Variants in PARD3 observed in about 807,000 individuals in gnomAD.
The protein encoded by PARD3 is par-3 family cell polarity regulator.
In PARD3, 75 loss-of-function variants were observed where a neutral mutation model predicts 155.4. The ratio of observed to expected loss-of-function variants is 0.48; its 90% CI spans 0.40 to 0.58. The LOEUF is 0.58. Ranked by LOEUF, PARD3 falls within the 20% of genes least tolerant of loss-of-function variation. The probability of loss-of-function intolerance (pLI) is 0.00; values close to 1 mark genes in which losing one functional copy is unlikely to be tolerated. For missense variants in PARD3, 1,642 were observed against 1,721.7 expected (o/e 0.95, Z 0.82); for synonymous variants, 576 against 610.5 (o/e 0.94, Z 0.83).
chr10:34,214,660 T>TA (rs35712690), intron 22 of PARD3, among the ~76,000 whole-genome samples: 4,218 of 151,256 alleles, frequency 0.028, 88 homozygotes, highest in Non-Finnish European at 0.041. Context: ...CTGCAAAAAA[T>TA]AAAAAAAAAT....
At chr10:34,184,144 T>C (rs1435279666) in intron 22 of PARD3, among the ~76,000 whole-genome samples, 1 of 152,146 alleles carries the variant, frequency 6.6e-6, no homozygotes. Context: ...CTGGGAATAG[T>C]GAACTGAATC....
chr10:34,169,313 G>A (rs1021636475), intron 22 of PARD3, among the ~76,000 whole-genome samples: 1 of 152,164 alleles, frequency 6.6e-6, no homozygotes, highest in Admixed American at 6.6e-5. Flanking sequence ...AATAAGTTCC[G>A]TTTTCCATGA....
intron 2 of PARD3, among the ~76,000 whole-genome samples, chr10:34,682,660 T>C (rs1007083069): frequency 1.3e-5 from 2 of 152,140 alleles, no homozygotes; most frequent in African/African-American, 2.4e-5. Context: ...TGTTGGAGGC[T>C]GCACTGAGCT....
At position 34,794,799 on chromosome 10, in the gene PARD3, C is replaced by T. The variant is rs995462218; in HGVS notation, c.120+20077G>A. Among the ~76,000 whole-genome samples the T allele has an allele frequency of 1.8e-4, 27 of 152,352 alleles. No individual in the cohort carries two copies. The Middle Eastern group carries it at 0.014, about 77-fold the overall frequency. On this transcript the variant is annotated intron_variant, in intron 1 of 24. Coordinates refer to ENST00000374788, the MANE Select transcript of PARD3 (RefSeq NM_001184785.2). The stretch of plus-strand genomic sequence containing the variant: ...AAAGTTCAGGACATACATTTTATTG[C>T]CCTTGCCCAGATCAAGAAAAAGATG...
chr10:34,782,631 C>T (rs1358833339), intron 1 of PARD3, among the ~76,000 whole-genome samples: 2 of 152,180 alleles, frequency 1.3e-5, no homozygotes, highest in Non-Finnish European at 1.5e-5. Flanking sequence ...ACCCCAGCAA[C>T]TTACGGAGAT....
intron 1 of PARD3, among the ~76,000 whole-genome samples, chr10:34,782,377 C>G (rs1357843350): frequency 6.6e-6 from 1 of 152,220 alleles, no homozygotes; most frequent in Non-Finnish European, 1.5e-5. Flanking sequence ...GGGACTGCAA[C>G]ATGCTCAGAG....
chr10:34,445,529 C>T (rs979788307), intron 5 of PARD3, among the ~76,000 whole-genome samples: 2 of 152,160 alleles, frequency 1.3e-5, no homozygotes, highest in African/African-American at 4.8e-5. Flanking sequence ...TCTCAGTCCA[C>T]ATAGACAACT....
At position 34,808,360 on chromosome 10, in the gene PARD3, C is replaced by CA. The variant is rs72099005; in HGVS notation, c.120+6515dup. 5.4e-3 allele frequency among the ~76,000 whole-genome samples: 818 copies of CA among 151,228 alleles called. 5 individuals are homozygous for CA. Among genetic ancestry groups the CA allele is most frequent in the Non-Finnish European group, 8.7e-3 (589 of 67,734 alleles). On this transcript the variant is annotated intron_variant, in intron 1 of 24. Transcript: ENST00000374788. Reference sequence around the variant, plus strand: ...AAACTTGTAAATAATGACTAAAAGACAAAAAAAAATCAGTCATCTTTCTAC... The same window carrying CA: ...AAACTTGTAAATAATGACTAAAAGACAAAAAAAAAATCAGTCATCTTTCTAC...
At chr10:34,732,740 T>C (rs2094842072) in intron 1 of PARD3, among the ~76,000 whole-genome samples, 1 of 152,170 alleles carries the variant, frequency 6.6e-6, no homozygotes. Context: ...CGGTGATAAA[T>C]AGGTAAATGA....
At chr10:34,774,087 T>C (rs1379920180) in intron 1 of PARD3, among the ~76,000 whole-genome samples, 2 of 152,174 alleles carry the variant, frequency 1.3e-5, no homozygotes, top group African/African-American at 4.8e-5. Flanking sequence ...AAAAATGGAC[T>C]ATCACCACGT....
At chr10:34,370,003 GA>G (rs1370678349) in intron 12 of PARD3, among the ~76,000 whole-genome samples, 2 of 152,144 alleles carry the variant, frequency 1.3e-5, no homozygotes, top group African/African-American at 4.8e-5. Flanking sequence ...TCAAAAGGTA[GA>G]AAGGCAGAGA....
intron 20 of PARD3, among the ~76,000 whole-genome samples, chr10:34,289,782 C>A (rs1956585373): frequency 6.6e-6 from 1 of 152,136 alleles, no homozygotes; most frequent in Non-Finnish European, 1.5e-5. Context: ...TCAAACTAAT[C>A]TGCTAAATGG....
At chr10:34,351,793 C>T (rs949180863) in intron 14 of PARD3, among the ~76,000 whole-genome samples, 2 of 152,258 alleles carry the variant, frequency 1.3e-5, no homozygotes, top group Admixed American at 1.3e-4. Context: ...TAGATCCACT[C>T]ACTTGTGTAA....
At chr10:34,534,938 G>A (rs1380792080) in intron 2 of PARD3, among the ~76,000 whole-genome samples, 1 of 152,130 alleles carries the variant, frequency 6.6e-6, no homozygotes, top group Non-Finnish European at 1.5e-5. Context: ...CTTGAACCTG[G>A]GAGGCAGAGG....
intron 20 of PARD3, among the ~76,000 whole-genome samples, chr10:34,300,134 T>C (rs1489571287): frequency 3.3e-5 from 5 of 152,198 alleles, no homozygotes; most frequent in South Asian, 2.1e-4. Context: ...TCTCTTTGGA[T>C]AGACATGAAA....
intron 1 of PARD3, among the ~76,000 whole-genome samples, chr10:34,780,691 C>T (rs1294308388): frequency 6.6e-6 from 1 of 152,078 alleles, no homozygotes; most frequent in East Asian, 1.9e-4. Context: ...TTTCTCTTGC[C>T]GCAGTTTTTT....
intron 20 of PARD3, among the ~76,000 whole-genome samples, chr10:34,307,182 A>T (rs922278572): frequency 6.6e-6 from 1 of 152,074 alleles, no homozygotes; most frequent in African/African-American, 2.4e-5. Flanking sequence ...GAGCCACCGC[A>T]CCCGGCTCAA....
chr10:34,767,467 C>A (rs1353979481), intron 1 of PARD3, among the ~76,000 whole-genome samples: 1 of 152,130 alleles, frequency 6.6e-6, no homozygotes, highest in Non-Finnish European at 1.5e-5. Context: ...CCAGAACACT[C>A]AGCAGCCTGA....
intron 7 of PARD3, among the ~76,000 whole-genome samples, chr10:34,393,493 A>G (rs2132109517): frequency 6.6e-6 from 1 of 152,008 alleles, no homozygotes; most frequent in South Asian, 2.1e-4. Flanking sequence ...AGGTGGAAAA[A>G]TCACCTAAGC....
Sources: gnomAD v4.1 joint callset for allele counts (sites outside exome capture counted in the v4.1 genomes callset) on GRCh38, gnomAD v4.1.1 for gene constraint, MANE v1.5 for transcripts, NCBI Gene and HGNC (gene_info 2026-07-23, HGNC 2026-07-21) for gene names.